ANXA3: variants seen among roughly 807,000 people sequenced by gnomAD.
ANXA3 encodes the protein annexin A3.
ANXA3 carries 46 observed loss-of-function variants against 48.8 expected under a neutral mutation model. That is an observed-to-expected ratio of 0.94 (90% CI 0.74 to 1.21). The LOEUF is 1.21. ANXA3 is among the 50% of genes most tolerant of loss of function. The probability of loss-of-function intolerance (pLI) is 0.00; values close to 1 mark genes in which losing one functional copy is unlikely to be tolerated. For synonymous variants in ANXA3, 128 were observed against 134.7 expected (o/e 0.95, Z 0.35); for missense variants, 383 against 378.6 (o/e 1.01, Z -0.10).
chr4:78,604,303 G>C lies in ANXA3; in HGVS notation c.816G>C (p.Leu272=). The change falls in exon 12 of 13, where the codon CTG becomes CTC. Residue 272 remains leucine, a synonymous_variant. Transcript: ENST00000264908. The part of the protein sequence containing the change: ...LKGIGTDEFT[L]NRIMVSRSEI... ...GTATTGGAACTGATGAGTTTACTCT[G>C]AACCGAATAATGGTGTCCAGATCAG... 6.2e-7 allele frequency: 1 copy of C among 1,613,148 alleles called. No homozygotes were observed.
intron 7 of ANXA3, 103 bp downstream of exon 7, chr4:78,591,726 A>G (rs1723301001): frequency 5.1e-6 from 4 of 786,740 alleles, no homozygotes; most frequent in Middle Eastern, 4.7e-4. Flanking sequence ...TGAGTTCACA[A>G]TTTTCCTTAT....
chr4:78,583,602 A>C (rs954469746), intron 5 of ANXA3, among the ~76,000 whole-genome samples: 1 of 150,412 alleles, frequency 6.6e-6, no homozygotes, highest in African/African-American at 2.4e-5. Context: ...CCAGCCTGGG[A>C]TGCTGTCTCA....
At chr4:78,560,767 C>G (rs1181832567) in intron 2 of ANXA3, among the ~76,000 whole-genome samples, 1 of 152,134 alleles carries the variant, frequency 6.6e-6, no homozygotes, top group Non-Finnish European at 1.5e-5. Context: ...CCATGAGTCA[C>G]CCCAATTGCA....
intron 10 of ANXA3, among the ~76,000 whole-genome samples, chr4:78,598,623 T>G (rs1004422617): frequency 6.6e-6 from 1 of 152,132 alleles, no homozygotes; most frequent in Non-Finnish European, 1.5e-5. Context: ...CACTGCAACC[T>G]CCGCCTTCCA....
chr4:78,588,412 C>G (rs1283296013), intron 6 of ANXA3, among the ~76,000 whole-genome samples: 2 of 152,036 alleles, frequency 1.3e-5, no homozygotes, highest in Non-Finnish European at 2.9e-5. Context: ...AGAAGAATTG[C>G]TAAACACCTT....
At chr4:78,580,083 G>C (rs750099407) in intron 4 of ANXA3, among the ~76,000 whole-genome samples, 3 of 152,164 alleles carry the variant, frequency 2.0e-5, no homozygotes, top group African/African-American at 4.8e-5. Flanking sequence ...TTCTTTCATG[G>C]AGCTAACATT....
intron 7 of ANXA3, among the ~76,000 whole-genome samples, chr4:78,593,017 C>A (rs1164161343): frequency 1.3e-5 from 2 of 151,860 alleles, no homozygotes; most frequent in Non-Finnish European, 2.9e-5. Context: ...GTTTCATTCA[C>A]CTATAATTTG....
chr4:78,591,976 T>C (rs373961435), intron 7 of ANXA3, among the ~76,000 whole-genome samples: 11 of 152,368 alleles, frequency 7.2e-5, no homozygotes, highest in African/African-American at 2.2e-4. Flanking sequence ...TATTTTCTTC[T>C]GGACTCTGAA....
intron 12 of ANXA3, among the ~76,000 whole-genome samples, chr4:78,609,529 A>G (rs1723714316): frequency 6.6e-6 from 1 of 152,214 alleles, no homozygotes; most frequent in South Asian, 2.1e-4. Flanking sequence ...GTAGCAGGGT[A>G]TTAAGGAGCC....
chr4:78,603,616 A>C (rs969743809), intron 11 of ANXA3: 1 of 152,160 alleles, frequency 6.6e-6, no homozygotes, highest in Non-Finnish European at 1.5e-5. Context: ...AGTCAAAGTG[A>C]TTTTCTGAAA....
intron 6 of ANXA3, among the ~76,000 whole-genome samples, chr4:78,590,002 C>G (rs536432582): frequency 1.3e-5 from 2 of 152,222 alleles, no homozygotes; most frequent in East Asian, 3.9e-4. Context: ...TACTGTGCCT[C>G]AAAATGGATA....
At chr4:78,558,807 C>T (rs972530923) in intron 2 of ANXA3, among the ~76,000 whole-genome samples, 10 of 152,276 alleles carry the variant, frequency 6.6e-5, no homozygotes, top group Non-Finnish European at 1.3e-4. Flanking sequence ...GACTTAGAGT[C>T]CCTTGTCATA....
intron 11 of ANXA3, 40 bp downstream of exon 11, chr4:78,601,608 A>T (rs775214740): frequency 3.2e-6 from 5 of 1,554,948 alleles, no homozygotes; most frequent in Non-Finnish European, 4.4e-6. Context: ...AGCGTCCCTT[A>T]ATTCCCTTGG....
intron 3 of ANXA3, among the ~76,000 whole-genome samples, chr4:78,575,146 C>T (rs547979547): frequency 4.6e-5 from 7 of 152,276 alleles, no homozygotes; most frequent in African/African-American, 1.7e-4. Context: ...ACTTGTGCAT[C>T]TGCTTCCACT....
At chr4:78,598,500 C>A (rs9307409) in intron 10 of ANXA3, among the ~76,000 whole-genome samples, 109,635 of 151,918 alleles carry the variant, frequency 0.72, 39,799 homozygotes, top group East Asian at 0.88. Context: ...TAATGATACA[C>A]CTGGTTAATT....
rs78004404 is a variant in ANXA3, at chr4:78,574,527, T to A, written c.103+1260T>A. The stretch of plus-strand genomic sequence containing the variant: ...GATAAACACCATCCCAAATTAGAGT[T>A]CATTCCCATGAAACTTTTAATACCA... On this transcript the variant is annotated intron_variant, in intron 3 of 12. Coordinates refer to ENST00000264908, the MANE Select transcript of ANXA3 (RefSeq NM_005139.3). Among the ~76,000 whole-genome samples, 134 of 152,352 alleles carry A rather than the reference T, an allele frequency of 8.8e-4. No homozygotes were observed. In the East Asian group the frequency reaches 0.025, roughly 28 times the overall value.
intron 10 of ANXA3, among the ~76,000 whole-genome samples, chr4:78,598,421 T>G (rs763179623): frequency 3.3e-5 from 5 of 152,164 alleles, no homozygotes; most frequent in Non-Finnish European, 7.4e-5. Flanking sequence ...AAGGGAAAAC[T>G]TTCTTCTTCA....
intron 11 of ANXA3, chr4:78,603,013 G>A (rs1477266972): frequency 6.6e-6 from 1 of 152,344 alleles, no homozygotes; most frequent in African/African-American, 2.4e-5. Context: ...TCATCTTTCA[G>A]GTTTCAGCTC....
intron 6 of ANXA3, among the ~76,000 whole-genome samples, chr4:78,589,709 T>C (rs989734513): frequency 2.0e-5 from 3 of 152,202 alleles, no homozygotes; most frequent in Non-Finnish European, 2.9e-5. Flanking sequence ...TCTATTGTCT[T>C]TGTCTCCTTT....
Sources: gnomAD v4.1 joint callset for allele counts (sites outside exome capture counted in the v4.1 genomes callset) on GRCh38, gnomAD v4.1.1 for gene constraint, MANE v1.5 for transcripts, NCBI Gene and HGNC (gene_info 2026-07-23, HGNC 2026-07-21) for gene names.